MAP2: variants seen among roughly 807,000 people sequenced by gnomAD.
MAP2 encodes microtubule-associated protein 2.
A neutral mutation model predicts 137.6 loss-of-function variants in MAP2; 14 were observed. The observed-to-expected ratio is 0.10, with a 90% CI of 0.07 to 0.16. The LOEUF (loss-of-function observed/expected upper bound fraction) is 0.16. MAP2 is among the 10% of genes least tolerant of loss of function. The pLI, the probability that MAP2 is intolerant of heterozygous loss-of-function variation, is 1.00. For synonymous variants in MAP2, 786 were observed against 782.3 expected (o/e 1.00, Z -0.08); for missense variants, 2,088 against 2,191.5 (o/e 0.95, Z 0.94).
chr2:209,460,304 G>A (rs566559335), intron 1 of MAP2, among the ~76,000 whole-genome samples: 23 of 152,266 alleles, frequency 1.5e-4, no homozygotes, highest in African/African-American at 4.8e-4. Context: ...TTACAATGAC[G>A]GTCTATGTCA....
chr2:209,574,175 C>T (rs1304123200), intron 2 of MAP2, among the ~76,000 whole-genome samples: 1 of 152,086 alleles, frequency 6.6e-6, no homozygotes, highest in Non-Finnish European at 1.5e-5. Flanking sequence ...ATTTGGTATA[C>T]TCTAACCTAC....
intron 1 of MAP2, among the ~76,000 whole-genome samples, chr2:209,477,842 TAAA>T (rs540336538): frequency 7.6e-6 from 1 of 131,738 alleles, no homozygotes; most frequent in African/African-American, 2.8e-5. Flanking sequence ...TACAAAATAT[TAAA>T]AAAAAAAAAA....
intron 2 of MAP2, among the ~76,000 whole-genome samples, chr2:209,565,734 G>T (rs1313755106): frequency 6.6e-6 from 1 of 152,154 alleles, no homozygotes; most frequent in Non-Finnish European, 1.5e-5. Flanking sequence ...AGTCCAACAA[G>T]AAATCACAAA....
chr2:209,717,307 A>G (rs947861913), intron 13 of MAP2, among the ~76,000 whole-genome samples: 2 of 152,128 alleles, frequency 1.3e-5, no homozygotes, highest in Non-Finnish European at 2.9e-5. Flanking sequence ...TTTAAGGGAA[A>G]GCAGTTCCAC....
At chr2:209,632,505 C>G (rs754143494) in intron 4 of MAP2, among the ~76,000 whole-genome samples, 1 of 152,114 alleles carries the variant, frequency 6.6e-6, no homozygotes, top group Non-Finnish European at 1.5e-5. Flanking sequence ...TTAATAGATT[C>G]TCAGTGACTA....
chr2:209,468,610 G>A (rs947132841), intron 1 of MAP2, among the ~76,000 whole-genome samples: 15 of 151,892 alleles, frequency 9.9e-5, no homozygotes, highest in African/African-American at 2.4e-4. Context: ...ATGAGCCACC[G>A]CGCCCGGCCT....
In MAP2 at chr2:209,693,044, A is replaced by T. The variant is rs772314732; in HGVS notation, c.874A>T (p.Met292Leu). The change falls in exon 8 of 16, where the codon ATG (methionine) becomes TTG (leucine). Residue 292 changes from methionine (M) to leucine (L), a missense_variant. Physicochemically the swap from Met to Leu is conservative, Grantham distance 15 (BLOSUM62 2). Coordinates refer to ENST00000682079, the MANE Select transcript of MAP2 (RefSeq NM_001375505.1). ...CATATCTCCTGGCCCTCTGACTCCC[A>T]TGAGGGAAAAAGATGTATTTGATGA... is the stretch of plus-strand genomic sequence containing the variant. ...APISPGPLTPMREKDVFDDIP... is the reference protein window; with the variant it reads ...APISPGPLTPLREKDVFDDIP... The T allele has an allele frequency of 1.2e-6, 2 of 1,612,880 alleles. No homozygotes were observed. The highest frequency in any genetic ancestry group is 1.3e-5 in the African/African-American group (1 of 74,964).
intron 2 of MAP2, among the ~76,000 whole-genome samples, chr2:209,513,404 G>A (rs961268969): frequency 6.6e-6 from 1 of 152,060 alleles, no homozygotes; most frequent in Non-Finnish European, 1.5e-5. Context: ...TATGCGTGCT[G>A]TCTCAATAGG....
At chr2:209,606,141 C>T (rs1047687002) in intron 3 of MAP2, among the ~76,000 whole-genome samples, 13 of 152,040 alleles carry the variant, frequency 8.6e-5, no homozygotes, top group African/African-American at 3.1e-4. Context: ...AATCGTATAT[C>T]AAGCCTTTTC....
chr2:209,444,106 T>C (rs1698472812), intron 1 of MAP2, among the ~76,000 whole-genome samples: 1 of 151,692 alleles, frequency 6.6e-6, no homozygotes, highest in Admixed American at 6.6e-5. Context: ...CTATATTGTT[T>C]TGCTCAGGTT....
intron 1 of MAP2, among the ~76,000 whole-genome samples, chr2:209,484,071 C>A (rs1485309082): frequency 6.6e-6 from 1 of 151,980 alleles, no homozygotes; most frequent in Non-Finnish European, 1.5e-5. Flanking sequence ...AAGCTTGATT[C>A]CTTAGTTAAA....
intron 4 of MAP2, among the ~76,000 whole-genome samples, chr2:209,638,331 G>A (rs1379648580): frequency 1.3e-5 from 2 of 152,064 alleles, no homozygotes; most frequent in Non-Finnish European, 2.9e-5. Flanking sequence ...AATTTCAGAT[G>A]ACAAGGATTC....
rs559384879 is a variant in MAP2, at chr2:209,707,201, T to G, written c.4732+1474T>G. ...TCCACTTCTTCAAACCACTGTGTTCTGCCTTTTAAAGTGTATCTATATATG... is the reference window on the plus strand; with the variant it reads ...TCCACTTCTTCAAACCACTGTGTTCGGCCTTTTAAAGTGTATCTATATATG... On this transcript the variant is annotated intron_variant, in intron 12 of 15. Transcript: ENST00000682079. Among the ~76,000 whole-genome samples, 37 of 152,314 alleles carry G rather than the reference T, an allele frequency of 2.4e-4. 1 individual carries two copies. The South Asian group carries it at 7.0e-3, about 29-fold the overall frequency.
chr2:209,705,864 A>C, intron 12 of MAP2, 137 bp downstream of exon 12: 1 of 778,636 alleles, frequency 1.3e-6, no homozygotes, highest in East Asian at 2.9e-5. Flanking sequence ...AAGGATCAGA[A>C]AATCCAGAAT....
Position 209,692,908 on chromosome 2 carries a change from A to G in MAP2, c.738A>G (p.Val246=), listed in dbSNP as rs746295982. ...AACAGAAGACAGAACCAAGCCTTGT[A>G]GTACCTGGCATTGACCTCCCTAAAG... The part of the protein sequence containing the change: ...DMKQKTEPSL[V]VPGIDLPKEP... Residue 246 remains valine (V), a synonymous_variant, in exon 8 of 16, where the codon GTA becomes GTG. Coordinates refer to ENST00000682079, the MANE Select transcript of MAP2 (RefSeq NM_001375505.1). 37 of 1,614,038 alleles carry G rather than the reference A, an allele frequency of 2.3e-5. No individual in the cohort carries two copies. Among genetic ancestry groups the G allele is most frequent in the Non-Finnish European group, 3.1e-5 (36 of 1,179,996 alleles).
chr2:209,433,413 A>G (rs1694854666), intron 1 of MAP2, among the ~76,000 whole-genome samples: 1 of 152,112 alleles, frequency 6.6e-6, no homozygotes, highest in Admixed American at 6.6e-5. Flanking sequence ...GACCAATGGT[A>G]CTGGAGTCCA....
intron 1 of MAP2, among the ~76,000 whole-genome samples, chr2:209,504,277 A>AAG (rs2060766162): frequency 6.6e-6 from 1 of 151,396 alleles, no homozygotes; most frequent in Non-Finnish European, 1.5e-5. Flanking sequence ...AAAAAAAAAA[A>AAG]TCCCACAGTA....
chr2:209,583,182 T>TATCTATCC (rs1355800030), intron 3 of MAP2, among the ~76,000 whole-genome samples: 1 of 151,908 alleles, frequency 6.6e-6, no homozygotes, highest in East Asian at 1.9e-4. Flanking sequence ...TCTATCTATC[T>TATCTATCC]ATCTGTCTAT....
At chr2:209,616,465 A>G (rs185981492) in intron 3 of MAP2, among the ~76,000 whole-genome samples, 1 of 152,112 alleles carries the variant, frequency 6.6e-6, no homozygotes, top group African/African-American at 2.4e-5. Flanking sequence ...TCATTCATTA[A>G]CTCATTCATT....
Sources: allele counts gnomAD v4.1 joint callset (sites outside exome capture counted in the v4.1 genomes callset), GRCh38; gene constraint gnomAD v4.1.1; transcripts MANE v1.5; gene names NCBI Gene and HGNC (gene_info 2026-07-23, HGNC 2026-07-21).